Variants in GORASP2 observed in about 807,000 individuals in gnomAD.
GORASP2 encodes Golgi reassembly-stacking protein 2.
A neutral mutation model predicts 45.7 loss-of-function variants in GORASP2; 22 were observed. The observed-to-expected ratio is 0.48, with a 90% CI of 0.34 to 0.69. GORASP2 has a LOEUF of 0.69. GORASP2 is among the 30% of genes least tolerant of loss of function. GORASP2 has a pLI of 0.01. For missense variants in GORASP2, 491 were observed against 562.7 expected (o/e 0.87, Z 1.29); for synonymous variants, 221 against 215.6 (o/e 1.02, Z -0.22).
chr2:170,939,656 A>G (rs901966866), intron 1 of GORASP2, among the ~76,000 whole-genome samples: 4 of 152,192 alleles, frequency 2.6e-5, no homozygotes, highest in African/African-American at 9.7e-5. Context: ...TGCATATGGG[A>G]AAAAATATAG....
chr2:170,936,093 C>T (rs955322769), intron 1 of GORASP2, among the ~76,000 whole-genome samples: 3 of 151,972 alleles, frequency 2.0e-5, no homozygotes, highest in Admixed American at 6.6e-5. Flanking sequence ...TTAGAATAAC[C>T]GTTAACATCA....
intron 1 of GORASP2, chr2:170,936,739 GC>G: frequency 1.2e-6 from 1 of 854,484 alleles, no homozygotes; most frequent in Non-Finnish European, 1.7e-6. Context: ...TGAGGTGGGG[GC>G]CCAAGAGTTT....
At position 170,962,864 on chromosome 2, in the gene GORASP2, G is replaced by GCCCAACCTCCCCAACCTCAAC. The variant is rs1465842281; in HGVS notation, c.938_958dup (p.Pro313_Asn319dup). The GCCCAACCTCCCCAACCTCAAC allele has an allele frequency of 1.2e-6, 2 of 1,613,590 alleles. No homozygotes were observed. The highest frequency in any genetic ancestry group is 1.7e-6 in the Non-Finnish European group (2 of 1,179,806). ...GTCTGATGCCTTTACCAGCAGGACT[G>GCCCAACCTCCCCAACCTCAAC]CCCAACCTCCCCAACCTCAACCTCA... On this transcript the variant is annotated inframe_insertion, in exon 9 of 10. Transcript: ENST00000234160.
At position 170,929,254 on chromosome 2, in the gene GORASP2, A is replaced by C. The variant is rs570477733; in HGVS notation, c.-87A>C. On this transcript the variant is annotated 5_prime_UTR_variant, in exon 1 of 10. Transcript: ENST00000234160. Reference sequence around the variant, plus strand: ...CGGCGGCAGCGAGTGCCACGTCCCAAGTGCTACGCGGAGGATTAGAGCAGG... The same window carrying C: ...CGGCGGCAGCGAGTGCCACGTCCCACGTGCTACGCGGAGGATTAGAGCAGG... The C allele has an allele frequency of 4.7e-6, 5 of 1,072,872 alleles. No homozygotes were observed. In the African/African-American group the frequency reaches 6.6e-5, roughly 14 times the overall value. 66.5% of individuals were successfully genotyped at this position (1,072,872 alleles called of 1,614,324 possible). A position where few individuals can be genotyped will look rare whatever the true frequency, so the allele number is the denominator to read the frequency against.
Position 170,935,781 on chromosome 2 carries a change from G to T in GORASP2, c.63+6378G>T, listed in dbSNP as rs144352272. Among the ~76,000 whole-genome samples, 812 of 152,032 alleles carry T rather than the reference G, an allele frequency of 5.3e-3. 7 individuals carry two copies. Among genetic ancestry groups the T allele is most frequent in the African/African-American group, 0.018 (758 of 41,456 alleles). On this transcript the variant is annotated intron_variant, in intron 1 of 9. Transcript: ENST00000234160. ...GGTAGAGATGGGTTTTTGCCATGTT[G>T]CCCAGGCTGCCCTCGAACTCCTGAG...
At chr2:170,935,705 G>A (rs1703933320) in intron 1 of GORASP2, among the ~76,000 whole-genome samples, 2 of 151,496 alleles carry the variant, frequency 1.3e-5, no homozygotes, top group South Asian at 2.1e-4. Flanking sequence ...CTCCCCAGTA[G>A]CTGGGACTAC....
chr2:170,949,776 C>G (rs755655066), intron 3 of GORASP2, 34 bp downstream of exon 3: 1 of 1,430,746 alleles, frequency 7.0e-7, no homozygotes, highest in Non-Finnish European at 9.9e-7. Context: ...ACTGGAGGTT[C>G]ATGAAGCAGT....
rs760132438 is a variant in GORASP2, at chr2:170,965,923, G to T, written c.1152G>T (p.Leu384=). 2 of 1,613,820 alleles carry T rather than the reference G, an allele frequency of 1.2e-6. No homozygotes were observed. The highest frequency in any genetic ancestry group is 2.7e-5 in the African/African-American group (2 of 74,860). Residue 384 remains leucine, a synonymous_variant, in exon 10 of 10, where the codon CTG becomes CTT. Coordinates refer to ENST00000234160, the MANE Select transcript of GORASP2 (RefSeq NM_015530.5). ...SSSAASSGEL[L]SSLPPTSNAP... is the part of the protein sequence containing the mutation. ...CTGCAGCAAGCTCAGGAGAGCTGCTGTCTTCCCTCCCGCCCACCAGCAACG... is the reference window on the plus strand; with the variant it reads ...CTGCAGCAAGCTCAGGAGAGCTGCTTTCTTCCCTCCCGCCCACCAGCAACG...
At chr2:170,936,732 G>A in intron 1 of GORASP2, 2 of 918,774 alleles carry the variant, frequency 2.2e-6, no homozygotes, top group Middle Eastern at 2.9e-4. Flanking sequence ...ACTGAGGTGA[G>A]GTGGGGGCCC....
rs1477774455 is a variant in GORASP2, at chr2:170,966,014, A to T, written c.1243A>T (p.Thr415Ser). 1.9e-6 allele frequency: 3 copies of T among 1,613,610 alleles called. No individual in the cohort carries two copies. Among genetic ancestry groups the T allele is most frequent in the Non-Finnish European group, 2.5e-6 (3 of 1,179,772 alleles). Reference sequence around the variant, plus strand: ...TGCCTCCTCACTCACTGTGGATGTGACGCCCCCCACTGCCAAGGCCCCCAC... The same window carrying T: ...TGCCTCCTCACTCACTGTGGATGTGTCGCCCCCCACTGCCAAGGCCCCCAC... ...DAASSLTVDVTPPTAKAPTTV... is the reference protein window; with the variant it reads ...DAASSLTVDVSPPTAKAPTTV... The change falls in exon 10 of 10, where the codon ACG becomes TCG. Residue 415 changes from threonine (T) to serine (S), a missense_variant. Coordinates refer to ENST00000234160, the MANE Select transcript of GORASP2 (RefSeq NM_015530.5).
intron 3 of GORASP2, 189 bp downstream of exon 3, chr2:170,949,931 G>A (rs1257429515): frequency 6.9e-6 from 4 of 576,516 alleles, no homozygotes; most frequent in African/African-American, 3.7e-5. Context: ...AGAAGCAAAT[G>A]TACAAGTTTA....
Position 170,956,542 on chromosome 2 carries a change from G to A in GORASP2, c.806G>A (p.Ser269Asn), listed in dbSNP as rs1704432074. The change falls in exon 7 of 10, where the codon AGT becomes AAT. Residue 269 changes from serine to asparagine, a missense_variant. Coordinates refer to ENST00000234160, the MANE Select transcript of GORASP2 (RefSeq NM_015530.5). ...LSISSTPPAV[S>N]SVLSTGVPTV... ...ATTAGCTCAACTCCACCAGCTGTCA[G>A]TAGTGTTCTCAGTACAGGTGTGCAG... The A allele has an allele frequency of 1.9e-6, 3 of 1,612,824 alleles. No individual in the cohort carries two copies. Among genetic ancestry groups the A allele is most frequent in the Non-Finnish European group, 2.5e-6 (3 of 1,179,234 alleles).
intron 1 of GORASP2, 186 bp downstream of exon 1, chr2:170,929,589 G>A: frequency 1.7e-6 from 1 of 572,916 alleles, no homozygotes; most frequent in South Asian, 2.1e-5. Context: ...TCCGCGGAGC[G>A]CCCTGGGCAC....
chr2:170,950,013 T>A, intron 3 of GORASP2, 191 bp from the exon 4 acceptor site: 1 of 523,348 alleles, frequency 1.9e-6, no homozygotes, highest in Non-Finnish European at 3.4e-6. Flanking sequence ...TTTTAAATAT[T>A]TGTTAAATAT....
chr2:170,944,276 C>G (rs955481826), intron 1 of GORASP2, among the ~76,000 whole-genome samples: 2 of 152,092 alleles, frequency 1.3e-5, no homozygotes, highest in South Asian at 4.1e-4. Context: ...ATTTTCCATG[C>G]TACAAAATAT....
rs142444780 is a variant in GORASP2, at chr2:170,962,919, G to A, written c.991G>A (p.Val331Ile). 4 of 1,613,756 alleles carry A rather than the reference G, an allele frequency of 2.5e-6. No homozygotes were observed. The highest frequency in any genetic ancestry group is 1.1e-5 in the South Asian group (1 of 91,074). Residue 331 changes from valine to isoleucine, a missense_variant, in exon 9 of 10, where the codon GTT becomes ATT. This residue lies in a region of GORASP2 where 297 missense variants were observed against 292.3 expected (regional missense o/e 1.02). Coordinates refer to ENST00000234160, the MANE Select transcript of GORASP2 (RefSeq NM_015530.5). The part of the protein sequence containing the change: ...NLPAPHIMPG[V>I]GLPELVNPGL... ...CCCAGCACCACACATCATGCCAGGG[G>A]TTGGCTTACCAGAACTTGTAAACCC...
At chr2:170,951,267 TGA>T in intron 4 of GORASP2, 59 bp from the exon 5 acceptor site, 1 of 1,384,504 alleles carries the variant, frequency 7.2e-7, no homozygotes, top group South Asian at 1.5e-5. Context: ...TAGCCAGGTT[TGA>T]GACACACTGT....
Position 170,966,475 on chromosome 2 carries a change from G to A in GORASP2, c.*345G>A, listed in dbSNP as rs983276873. The A allele has an allele frequency of 1.1e-5, 4 of 358,568 alleles. No individual in the cohort carries two copies. Among genetic ancestry groups the A allele is most frequent in the South Asian group, 2.9e-5 (1 of 33,958 alleles). The allele number at this position is 358,568 out of a possible 1,614,324, so 22.2% of individuals were successfully genotyped here. A position where few individuals can be genotyped will look rare whatever the true frequency, so the allele number is the denominator to read the frequency against. On this transcript the variant is annotated 3_prime_UTR_variant, in exon 10 of 10. Transcript: ENST00000234160. The stretch of plus-strand genomic sequence containing the variant: ...TTTCCTGTCCCCTGCTGCTCCTTCC[G>A]TAAGAAAATGAAATATTCTATGCCT...
rs1315349141 is a variant in GORASP2 at position 170,966,319 on chromosome 2, G to A, written c.*189G>A. Reference sequence around the variant, plus strand: ...GGTTGAGTGGGGCTCACACGCTAGGGTGAGATGTCAGAAAGCGCTTGTATT... The same window carrying A: ...GGTTGAGTGGGGCTCACACGCTAGGATGAGATGTCAGAAAGCGCTTGTATT... On this transcript the variant is annotated 3_prime_UTR_variant, in exon 10 of 10. Transcript: ENST00000234160. 6.7e-6 allele frequency: 4 copies of A among 596,636 alleles called. No individual in the cohort carries two copies. Among genetic ancestry groups the A allele is most frequent in the Non-Finnish European group, 1.2e-5 (4 of 335,970 alleles). 37.0% of individuals were successfully genotyped at this position (596,636 alleles called of 1,614,324 possible).
Sources: gnomAD v4.1 joint callset for allele counts (sites outside exome capture counted in the v4.1 genomes callset) on GRCh38, gnomAD v4.1.1 for gene constraint, gnomAD v4.1.1 regional missense constraint, MANE v1.5 for transcripts, NCBI Gene and HGNC (gene_info 2026-07-23, HGNC 2026-07-21) for gene names.